EMP2: variants seen among roughly 807,000 people sequenced by gnomAD.
EMP2 encodes epithelial membrane protein 2.
EMP2 carries 19 observed loss-of-function variants against 13.7 expected under a neutral mutation model. The ratio of observed to expected loss-of-function variants is 1.38; its 90% CI spans 0.97 to 2.03. EMP2 has a LOEUF of 2.03. EMP2 is among the 30% of genes most tolerant of loss of function. The pLI is 0.00. For synonymous variants in EMP2, 97 were observed against 84.7 expected, an observed-to-expected ratio of 1.15 and a Z score of -0.80; for missense variants, 253 against 220.7, an observed-to-expected ratio of 1.15 and a Z score of -0.93.
intron 1 of EMP2, among the ~76,000 whole-genome samples, chr16:10,549,844 T>G (rs1414246043): frequency 1.3e-5 from 2 of 151,524 alleles, no homozygotes; most frequent in Non-Finnish European, 1.5e-5. Flanking sequence ...ACCAAGGACA[T>G]TTTCTTTCTT....
chr16:10,566,106 A>G (rs1043775293), intron 1 of EMP2, among the ~76,000 whole-genome samples: 1 of 152,170 alleles, frequency 6.6e-6, no homozygotes. Flanking sequence ...GGACCTCACC[A>G]TTGCCAAGAC....
At chr16:10,566,959 G>A (rs543583369) in intron 1 of EMP2, among the ~76,000 whole-genome samples, 4 of 152,188 alleles carry the variant, frequency 2.6e-5, no homozygotes, top group Non-Finnish European at 4.4e-5. Context: ...ACCTTTGCAT[G>A]TGCGTATCCC....
intron 1 of EMP2, among the ~76,000 whole-genome samples, chr16:10,568,447 A>G (rs2050924168): frequency 6.6e-6 from 1 of 150,738 alleles, no homozygotes; most frequent in Non-Finnish European, 1.5e-5. Flanking sequence ...AGAGAACTAA[A>G]TGCTTTTTTC....
At chr16:10,575,238 T>A (rs57124644) in intron 1 of EMP2, among the ~76,000 whole-genome samples, 845 of 9,912 alleles carry the variant, frequency 0.085, 11 homozygotes, top group South Asian at 0.13. Flanking sequence ...GCTTGCATTC[T>A]TTTTTTTTTT....
At chr16:10,571,996 T>C (rs1157419082) in intron 1 of EMP2, among the ~76,000 whole-genome samples, 2 of 152,126 alleles carry the variant, frequency 1.3e-5, no homozygotes, top group East Asian at 1.9e-4. Flanking sequence ...ACTTTCCACA[T>C]TAATAAGAGA....
intron 1 of EMP2, among the ~76,000 whole-genome samples, chr16:10,554,956 T>C (rs906392952): frequency 6.6e-6 from 1 of 152,168 alleles, no homozygotes; most frequent in Admixed American, 6.5e-5. Flanking sequence ...GAGGATTGCA[T>C]GGTCTGAAAG....
chr16:10,560,057 C>A (rs1327485199), intron 1 of EMP2, among the ~76,000 whole-genome samples: 1 of 152,190 alleles, frequency 6.6e-6, no homozygotes, highest in Non-Finnish European at 1.5e-5. Flanking sequence ...AAAGCTGGAG[C>A]TGGCATCTGA....
At chr16:10,576,815 G>A (rs1469493722) in intron 1 of EMP2, 1 of 152,228 alleles carries the variant, frequency 6.6e-6, no homozygotes, top group Non-Finnish European at 1.5e-5. Context: ...GCACGGGAAG[G>A]AGGGAGGGAC....
intron 1 of EMP2, among the ~76,000 whole-genome samples, chr16:10,579,056 C>T (rs1182472443): frequency 2.0e-5 from 3 of 152,250 alleles, no homozygotes; most frequent in Non-Finnish European, 4.4e-5. Flanking sequence ...CGACTTAGAT[C>T]TCTAGCCTGT....
intron 1 of EMP2, among the ~76,000 whole-genome samples, chr16:10,564,569 C>T (rs940088882): frequency 1.3e-5 from 2 of 151,670 alleles, no homozygotes; most frequent in Admixed American, 6.6e-5. Flanking sequence ...GTGGGCCCTA[C>T]CTCCCAGTCC....
At chr16:10,541,678 G>C (rs980811755) in intron 3 of EMP2, among the ~76,000 whole-genome samples, 2 of 152,166 alleles carry the variant, frequency 1.3e-5, no homozygotes, top group East Asian at 1.9e-4. Context: ...TAGCATGACA[G>C]AATAACAGAC....
chr16:10,547,485 T>C, intron 2 of EMP2, 55 bp downstream of exon 2: 1 of 1,586,100 alleles, frequency 6.3e-7, no homozygotes, highest in East Asian at 2.2e-5. Context: ...TACAACCCAC[T>C]TCTATTGACT....
chr16:10,552,450 A>G (rs899095453), intron 1 of EMP2, among the ~76,000 whole-genome samples: 2 of 152,358 alleles, frequency 1.3e-5, no homozygotes, highest in East Asian at 3.9e-4. Context: ...ATTGAACCAC[A>G]TGGTGAAAAA....
chr16:10,551,499 C>A (rs1213398277), intron 1 of EMP2, among the ~76,000 whole-genome samples: 1 of 152,112 alleles, frequency 6.6e-6, no homozygotes, highest in African/African-American at 2.4e-5. Flanking sequence ...CTCTGCCTCC[C>A]GGGTTCAAGC....
Position 10,553,337 on chromosome 16 carries a change from G to A in EMP2, c.-60-5660C>T, listed in dbSNP as rs189118426. Reference sequence around the variant, plus strand: ...CACTTATTCTTCACTCCACGTTTCCGTGTGGCGGTAGCCGTACCAGAGTAA... The same window carrying A: ...CACTTATTCTTCACTCCACGTTTCCATGTGGCGGTAGCCGTACCAGAGTAA... On this transcript the variant is annotated intron_variant, in intron 1 of 4. Coordinates refer to ENST00000359543, the MANE Select transcript of EMP2 (RefSeq NM_001424.6). Among the ~76,000 whole-genome samples, 74 of 152,250 alleles carry A rather than the reference G, an allele frequency of 4.9e-4. 1 individual carries two copies. Among genetic ancestry groups the A allele is most frequent in the Middle Eastern group, 6.8e-3 (2 of 294 alleles).
chr16:10,540,895 A>C (rs1244695035), intron 3 of EMP2, among the ~76,000 whole-genome samples: 2 of 151,978 alleles, frequency 1.3e-5, no homozygotes, highest in African/African-American at 2.4e-5. Flanking sequence ...CAAGACCAGC[A>C]TGGGCAACAT....
intron 1 of EMP2, among the ~76,000 whole-genome samples, chr16:10,551,557 C>T (rs1366696603): frequency 6.6e-6 from 1 of 152,184 alleles, no homozygotes; most frequent in African/African-American, 2.4e-5. Flanking sequence ...CAGGCACGTG[C>T]TACTACGCCT....
chr16:10,555,375 G>A (rs761938058), intron 1 of EMP2, among the ~76,000 whole-genome samples: 4 of 152,130 alleles, frequency 2.6e-5, no homozygotes, highest in Non-Finnish European at 4.4e-5. Flanking sequence ...GAGTTTGGGC[G>A]CTTACCCACC....
rs2050828491 is a variant in EMP2 at position 10,556,488 on chromosome 16, A to T, written c.-60-8811T>A. Among the ~76,000 whole-genome samples the T allele has an allele frequency of 2.0e-5, 3 of 152,162 alleles. No homozygotes were observed. In the South Asian group the frequency reaches 6.2e-4, roughly 32 times the overall value. On this transcript the variant is annotated intron_variant, in intron 1 of 4. Transcript: ENST00000359543. ...ACAGGACAAGTAGGACAAGCAATCCATGTGTGGCACTTTTCAGGGAAGACA... is the reference window on the plus strand; with the variant it reads ...ACAGGACAAGTAGGACAAGCAATCCTTGTGTGGCACTTTTCAGGGAAGACA...
Sources: gnomAD v4.1 joint callset for allele counts (sites outside exome capture counted in the v4.1 genomes callset) on GRCh38, gnomAD v4.1.1 for gene constraint, MANE v1.5 for transcripts, NCBI Gene and HGNC (gene_info 2026-07-23, HGNC 2026-07-21) for gene names.